The following BECN2 variants were observed in gnomAD, a reference collection of about 807,000 sequenced individuals.
BECN2 encodes the protein beclin 2.
For missense variants in BECN2, 428 were observed against 507.9 expected (o/e 0.84, Z 1.51); for synonymous variants, 173 against 220.1 (o/e 0.79, Z 1.90).
Position 241,958,640 on chromosome 1 carries a change from G to A in BECN2, c.874G>A (p.Ala292Thr). The part of the protein sequence containing the change: ...WNEINTAWGQ[A>T]ALLLLTLANT... Reference sequence around the variant, plus strand: ...TGAGATTAACACTGCCTGGGGACAGGCGGCCTTGCTGCTCCTTACCCTGGC... The same window carrying A: ...TGAGATTAACACTGCCTGGGGACAGACGGCCTTGCTGCTCCTTACCCTGGC... The change falls in exon 1 of 1, where the codon GCG (alanine) becomes ACG (threonine). Residue 292 changes from alanine to threonine, a missense_variant. By Grantham distance (58) the Ala-to-Thr change is moderately conservative. Coordinates refer to ENST00000419583, the MANE Select transcript of BECN2 (RefSeq NM_001290693.1). The A allele has an allele frequency of 8.1e-7, 1 of 1,231,818 alleles. No individual in the cohort carries two copies. The highest frequency in any genetic ancestry group is 3.1e-4 in the Middle Eastern group (1 of 3,208). 76.3% of individuals were successfully genotyped at this position (1,231,818 alleles called of 1,614,324 possible).
At position 241,957,884 on chromosome 1, in the gene BECN2, G is replaced by A. The variant is rs1664452507; in HGVS notation, c.118G>A (p.Gly40Arg). Residue 40 changes from glycine (G) to arginine (R), a missense_variant, in exon 1 of 1, where the codon GGA becomes AGA. Gly to Arg is a moderately radical substitution (Grantham distance 125). Coordinates refer to ENST00000419583, the MANE Select transcript of BECN2 (RefSeq NM_001290693.1). Reference sequence around the variant, plus strand: ...GCCCACCTCTGGGCAGGCTGAGCCCGGAGACACCCGGGAGCCCGGCGTCAC... The same window carrying A: ...GCCCACCTCTGGGCAGGCTGAGCCCAGAGACACCCGGGAGCCCGGCGTCAC... Reference protein sequence around the residue: ...PAPTSGQAEPGDTREPGVTTR... With the variant: ...PAPTSGQAEPRDTREPGVTTR... 3 of 1,231,810 alleles carry A rather than the reference G, an allele frequency of 2.4e-6. No individual in the cohort carries two copies. Among genetic ancestry groups the A allele is most frequent in the East Asian group, 6.3e-5 (2 of 31,708 alleles). 76.3% of individuals were successfully genotyped at this position (1,231,810 alleles called of 1,614,324 possible). A position where few individuals can be genotyped will look rare whatever the true frequency, so the allele number is the denominator to read the frequency against.
In BECN2 at chr1:241,958,480, T is replaced by C; in HGVS notation, c.714T>C (p.Tyr238=). 11 of 1,231,800 alleles carry C rather than the reference T, an allele frequency of 8.9e-6. No homozygotes were observed. Among genetic ancestry groups the C allele is most frequent in the Non-Finnish European group, 1.1e-5 (11 of 988,028 alleles). 76.3% of individuals were successfully genotyped at this position (1,231,800 alleles called of 1,614,324 possible). The change falls in exon 1 of 1, where the codon TAT becomes TAC. Residue 238 remains tyrosine, a synonymous_variant. Coordinates refer to ENST00000419583, the MANE Select transcript of BECN2 (RefSeq NM_001290693.1). ...QLGNVENQLQ[Y]ARVQRDRLKE... ...GGAACGTGGAGAACCAGCTGCAGTA[T>C]GCCAGGGTCCAGAGGGACCGGCTGA... is the stretch of plus-strand genomic sequence containing the variant.
chr1:241,958,945 A>G lies in BECN2; in HGVS notation c.1179A>G (p.Glu393=). Residue 393 remains glutamate (E), a synonymous_variant, in exon 1 of 1, where the codon GAA becomes GAG. Coordinates refer to ENST00000419583, the MANE Select transcript of BECN2 (RefSeq NM_001290693.1). The part of the protein sequence containing the change: ...GLMEDVGGRG[E]CYSIRTHLNT... ...TGGAGGACGTTGGCGGCCGAGGGGA[A>G]TGCTATTCCATCAGAACCCATCTGA... 8.1e-7 allele frequency: 1 copy of G among 1,231,850 alleles called. No individual in the cohort carries two copies. The highest frequency in any genetic ancestry group is 3.2e-5 in the East Asian group (1 of 31,708). 76.3% of individuals were successfully genotyped at this position (1,231,850 alleles called of 1,614,324 possible).
Position 241,958,802 on chromosome 1 carries a change from A to G in BECN2, c.1036A>G (p.Lys346Glu). 8.1e-7 allele frequency: 1 copy of G among 1,231,858 alleles called. No homozygotes were observed. Among genetic ancestry groups the G allele is most frequent in the Non-Finnish European group, 1.0e-6 (1 of 988,090 alleles). The allele number at this position is 1,231,858 out of a possible 1,614,324, so 76.3% of individuals were successfully genotyped here. A position where few individuals can be genotyped will look rare whatever the true frequency, so the allele number is the denominator to read the frequency against. The change falls in exon 1 of 1, where the codon AAG becomes GAG. Residue 346 changes from lysine (K) to glutamate (E), a missense_variant. Physicochemically the swap from Lys to Glu is moderately conservative, Grantham distance 56 (BLOSUM62 1). Coordinates refer to ENST00000419583, the MANE Select transcript of BECN2 (RefSeq NM_001290693.1). ...YGGQDVFLNN[K>E]YDRAMVAFLD... Reference sequence around the variant, plus strand: ...GGGGCAGGATGTTTTCCTCAATAACAAGTATGACCGCGCGATGGTGGCCTT... The same window carrying G: ...GGGGCAGGATGTTTTCCTCAATAACGAGTATGACCGCGCGATGGTGGCCTT...
chr1:241,957,943 G>A lies in BECN2; in HGVS notation c.177G>A (p.Gln59=). 8.1e-7 allele frequency: 1 copy of A among 1,231,904 alleles called. No homozygotes were observed. Among genetic ancestry groups the A allele is most frequent in the Non-Finnish European group, 1.0e-6 (1 of 988,086 alleles). The allele number at this position is 1,231,904 out of a possible 1,614,324, so 76.3% of individuals were successfully genotyped here. ...AGGTGACAGACGCTGAGGAGCAACAGGACGGTGCCTCTAGCAGATCCCCTC... is the reference window on the plus strand; with the variant it reads ...AGGTGACAGACGCTGAGGAGCAACAAGACGGTGCCTCTAGCAGATCCCCTC... ...TREVTDAEEQ[Q]DGASSRSPPG... is the part of the protein sequence containing the mutation. The change falls in exon 1 of 1, where the codon CAG becomes CAA. Residue 59 remains glutamine (Q), a synonymous_variant. Transcript: ENST00000419583.
chr1:241,958,215 G>A lies in BECN2; in HGVS notation c.449G>A (p.Gly150Glu). The A allele has an allele frequency of 8.1e-7, 1 of 1,232,624 alleles. No individual in the cohort carries two copies. Among genetic ancestry groups the A allele is most frequent in the Non-Finnish European group, 1.0e-6 (1 of 988,538 alleles). The allele number at this position is 1,232,624 out of a possible 1,614,324, so 76.4% of individuals were successfully genotyped here. A position where few individuals can be genotyped will look rare whatever the true frequency, so the allele number is the denominator to read the frequency against. Residue 150 changes from glycine to glutamate, a missense_variant, in exon 1 of 1, where the codon GGG becomes GAG. Gly to Glu is a moderately conservative substitution (Grantham distance 98). Transcript: ENST00000419583. ...AACTACCAACGCTGCCTGGAGACCG[G>A]GGAGCTGGCGACCAGCGAGGACGAG... ...SQNYQRCLET[G>E]ELATSEDEAA...
At position 241,957,820 on chromosome 1, in the gene BECN2, C is replaced by T. The variant is rs927944662; in HGVS notation, c.54C>T (p.Ser18=). The T allele has an allele frequency of 1.3e-5, 16 of 1,231,786 alleles. No homozygotes were observed. The highest frequency in any genetic ancestry group is 1.6e-5 in the Non-Finnish European group (16 of 988,010). 76.3% of individuals were successfully genotyped at this position (1,231,786 alleles called of 1,614,324 possible). A position where few individuals can be genotyped will look rare whatever the true frequency, so the allele number is the denominator to read the frequency against. ...CQRCHQALKL[S]GSSESRSLPA... ...GCTGCCACCAGGCCCTGAAGCTGAGCGGCTCCTCGGAGTCTAGGAGCCTCC... is the reference window on the plus strand; with the variant it reads ...GCTGCCACCAGGCCCTGAAGCTGAGTGGCTCCTCGGAGTCTAGGAGCCTCC... Residue 18 remains serine (S), a synonymous_variant, in exon 1 of 1, where the codon AGC becomes AGT. Transcript: ENST00000419583.
In BECN2 at chr1:241,958,729, G is replaced by C; in HGVS notation, c.963G>C (p.Leu321=). The change falls in exon 1 of 1, where the codon CTG becomes CTC. Residue 321 remains leucine (L), a synonymous_variant. Coordinates refer to ENST00000419583, the MANE Select transcript of BECN2 (RefSeq NM_001290693.1). ...TCCCCTGCGGAAACCATTCGTATCT[G>C]AAGTCTTTAACAGATGACCGCACTG... is the stretch of plus-strand genomic sequence containing the variant. The part of the protein sequence containing the change: ...RLIPCGNHSY[L]KSLTDDRTEL... The C allele has an allele frequency of 8.1e-7, 1 of 1,231,768 alleles. No individual in the cohort carries two copies. Among genetic ancestry groups the C allele is most frequent in the Non-Finnish European group, 1.0e-6 (1 of 988,002 alleles). 76.3% of individuals were successfully genotyped at this position (1,231,768 alleles called of 1,614,324 possible). A position where few individuals can be genotyped will look rare whatever the true frequency, so the allele number is the denominator to read the frequency against.
rs1416669684 is a variant in BECN2 at position 241,958,913 on chromosome 1, G to T, written c.1147G>T (p.Gly383Cys). Residue 383 changes from glycine to cysteine, a missense_variant, in exon 1 of 1, where the codon GGC (glycine) becomes TGC (cysteine). Physicochemically the swap from Gly to Cys is radical, Grantham distance 159. Transcript: ENST00000419583. ...GCCCTACGGGATCCAGGTGGAGACA[G>T]GCCTGATGGAGGACGTTGGCGGCCG... is the stretch of plus-strand genomic sequence containing the variant. ...SLPYGIQVET[G>C]LMEDVGGRGE... 1.6e-6 allele frequency: 2 copies of T among 1,231,930 alleles called. No homozygotes were observed. Among genetic ancestry groups the T allele is most frequent in the Non-Finnish European group, 2.0e-6 (2 of 988,148 alleles). The allele number at this position is 1,231,930 out of a possible 1,614,324, so 76.3% of individuals were successfully genotyped here. A position where few individuals can be genotyped will look rare whatever the true frequency, so the allele number is the denominator to read the frequency against.
Position 241,958,958 on chromosome 1 carries a change from A to G in BECN2, c.1192A>G (p.Arg398Gly). The change falls in exon 1 of 1, where the codon AGA (arginine) becomes GGA (glycine). Residue 398 changes from arginine to glycine, a missense_variant. Arg to Gly is a moderately radical substitution (Grantham distance 125). Transcript: ENST00000419583. ...CGGCCGAGGGGAATGCTATTCCATC[A>G]GAACCCATCTGAACACGCAGGAGCT... ...VGGRGECYSI[R>G]THLNTQELWT... 1 of 1,231,846 alleles carries G rather than the reference A, an allele frequency of 8.1e-7. No homozygotes were observed. Among genetic ancestry groups the G allele is most frequent in the Non-Finnish European group, 1.0e-6 (1 of 988,048 alleles). The allele number at this position is 1,231,846 out of a possible 1,614,324, so 76.3% of individuals were successfully genotyped here.
rs1664472405 is a variant in BECN2 at position 241,958,810 on chromosome 1, C to A, written c.1044C>A (p.Asp348Glu). ...GQDVFLNNKYDRAMVAFLDCM... is the reference protein window; with the variant it reads ...GQDVFLNNKYERAMVAFLDCM... ...ATGTTTTCCTCAATAACAAGTATGACCGCGCGATGGTGGCCTTCCTGGACT... is the reference window on the plus strand; with the variant it reads ...ATGTTTTCCTCAATAACAAGTATGAACGCGCGATGGTGGCCTTCCTGGACT... The change falls in exon 1 of 1, where the codon GAC becomes GAA. Residue 348 changes from aspartate (D) to glutamate (E), a missense_variant. Physicochemically the swap from Asp to Glu is conservative, Grantham distance 45 (BLOSUM62 2). Coordinates refer to ENST00000419583, the MANE Select transcript of BECN2 (RefSeq NM_001290693.1). 1 of 1,231,724 alleles carries A rather than the reference C, an allele frequency of 8.1e-7. No homozygotes were observed. The highest frequency in any genetic ancestry group is 1.0e-6 in the Non-Finnish European group (1 of 988,132). 76.3% of individuals were successfully genotyped at this position (1,231,724 alleles called of 1,614,324 possible).
chr1:241,958,839 TGCAGCAGTTCAA>T lies in BECN2; in HGVS notation c.1075_1086del (p.Gln359_Lys362del). 8.1e-7 allele frequency: 1 copy of T among 1,231,854 alleles called. No individual in the cohort carries two copies. Among genetic ancestry groups the T allele is most frequent in the Non-Finnish European group, 1.0e-6 (1 of 988,078 alleles). 76.3% of individuals were successfully genotyped at this position (1,231,854 alleles called of 1,614,324 possible). A position where few individuals can be genotyped will look rare whatever the true frequency, so the allele number is the denominator to read the frequency against. The stretch of plus-strand genomic sequence containing the variant: ...GCGATGGTGGCCTTCCTGGACTGCA[TGCAGCAGTTCAA>T]GGAAGAGGCTGAGAAGGGTGAGCTG... On this transcript the variant is annotated inframe_deletion, in exon 1 of 1. Transcript: ENST00000419583.
rs1359111478 is a variant in BECN2 at position 241,958,933 on chromosome 1, C to T, written c.1167C>T (p.Gly389=). ...AGACAGGCCTGATGGAGGACGTTGG[C>T]GGCCGAGGGGAATGCTATTCCATCA... is the stretch of plus-strand genomic sequence containing the variant. ...QVETGLMEDV[G]GRGECYSIRT... The change falls in exon 1 of 1, where the codon GGC becomes GGT. Residue 389 remains glycine (G), a synonymous_variant. Coordinates refer to ENST00000419583, the MANE Select transcript of BECN2 (RefSeq NM_001290693.1). 2 of 1,231,658 alleles carry T rather than the reference C, an allele frequency of 1.6e-6. No homozygotes were observed. The highest frequency in any genetic ancestry group is 3.1e-5 in the African/African-American group (2 of 64,394). 76.3% of individuals were successfully genotyped at this position (1,231,658 alleles called of 1,614,324 possible). A position where few individuals can be genotyped will look rare whatever the true frequency, so the allele number is the denominator to read the frequency against.
In BECN2 at chr1:241,958,537, G is replaced by A. The variant is rs1664466433; in HGVS notation, c.771G>A (p.Glu257=). ...TCAACTGTTTCACCGCCACGTTTGAGATCTGGGTGGAGGGCCCCTTGGGCG... is the reference window on the plus strand; with the variant it reads ...TCAACTGTTTCACCGCCACGTTTGAAATCTGGGTGGAGGGCCCCTTGGGCG... The part of the protein sequence containing the change: ...KEINCFTATF[E]IWVEGPLGVI... Residue 257 remains glutamate, a synonymous_variant, in exon 1 of 1, where the codon GAG becomes GAA. Coordinates refer to ENST00000419583, the MANE Select transcript of BECN2 (RefSeq NM_001290693.1). 8.1e-7 allele frequency: 1 copy of A among 1,231,704 alleles called. No homozygotes were observed. The highest frequency in any genetic ancestry group is 4.1e-5 in the South Asian group (1 of 24,326). 76.3% of individuals were successfully genotyped at this position (1,231,704 alleles called of 1,614,324 possible). A position where few individuals can be genotyped will look rare whatever the true frequency, so the allele number is the denominator to read the frequency against.
chr1:241,958,774 T>TG, the BECN2 span: 3 of 1,231,812 alleles, frequency 2.4e-6, no homozygotes, highest in Non-Finnish European at 3.0e-6. Context: ...TGTTCTGTTA[T>TG]GGGGGGCAGG....
rs1006562316 is a variant in BECN2, at chr1:241,958,555, C to T, written c.789C>T (p.Pro263=). 8.1e-7 allele frequency: 1 copy of T among 1,231,664 alleles called. No individual in the cohort carries two copies. The highest frequency in any genetic ancestry group is 1.0e-6 in the Non-Finnish European group (1 of 988,026). 76.3% of individuals were successfully genotyped at this position (1,231,664 alleles called of 1,614,324 possible). A position where few individuals can be genotyped will look rare whatever the true frequency, so the allele number is the denominator to read the frequency against. ...TATFEIWVEG[P]LGVINNFRLG... is the part of the protein sequence containing the mutation. The stretch of plus-strand genomic sequence containing the variant: ...CGTTTGAGATCTGGGTGGAGGGCCC[C>T]TTGGGCGTCATCAATAACTTCAGGT... The change falls in exon 1 of 1, where the codon CCC becomes CCT. Residue 263 remains proline, a synonymous_variant. Transcript: ENST00000419583.
Position 241,958,942 on chromosome 1 carries a change from G to A in BECN2, c.1176G>A (p.Gly392=). The change falls in exon 1 of 1, where the codon GGG becomes GGA. Residue 392 remains glycine (G), a synonymous_variant. Coordinates refer to ENST00000419583, the MANE Select transcript of BECN2 (RefSeq NM_001290693.1). ...TGLMEDVGGR[G]ECYSIRTHLN... is the part of the protein sequence containing the mutation. ...TGATGGAGGACGTTGGCGGCCGAGG[G>A]GAATGCTATTCCATCAGAACCCATC... 1 of 1,231,798 alleles carries A rather than the reference G, an allele frequency of 8.1e-7. No individual in the cohort carries two copies. Among genetic ancestry groups the A allele is most frequent in the South Asian group, 4.1e-5 (1 of 24,312 alleles). 76.3% of individuals were successfully genotyped at this position (1,231,798 alleles called of 1,614,324 possible).
Position 241,958,962 on chromosome 1 carries a change from C to T in BECN2, c.1196C>T (p.Thr399Ile), listed in dbSNP as rs1050156390. The stretch of plus-strand genomic sequence containing the variant: ...CGAGGGGAATGCTATTCCATCAGAA[C>T]CCATCTGAACACGCAGGAGCTGTGG... ...GGRGECYSIR[T>I]HLNTQELWTK... Residue 399 changes from threonine (T) to isoleucine (I), a missense_variant, in exon 1 of 1, where the codon ACC (threonine) becomes ATC (isoleucine). Coordinates refer to ENST00000419583, the MANE Select transcript of BECN2 (RefSeq NM_001290693.1). 15 of 1,231,640 alleles carry T rather than the reference C, an allele frequency of 1.2e-5. No individual in the cohort carries two copies. The highest frequency in any genetic ancestry group is 1.4e-5 in the Non-Finnish European group (14 of 988,034). 76.3% of individuals were successfully genotyped at this position (1,231,640 alleles called of 1,614,324 possible). A position where few individuals can be genotyped will look rare whatever the true frequency, so the allele number is the denominator to read the frequency against.
chr1:241,957,973 C>T lies in BECN2; in HGVS notation c.207C>T (p.Gly69=). ...GTGCCTCTAGCAGATCCCCTCCAGGCGATGGCAGTGTGTCCAAGGGCCATG... is the reference window on the plus strand; with the variant it reads ...GTGCCTCTAGCAGATCCCCTCCAGGTGATGGCAGTGTGTCCAAGGGCCATG... The part of the protein sequence containing the change: ...QDGASSRSPP[G]DGSVSKGHAN... The change falls in exon 1 of 1, where the codon GGC becomes GGT. Residue 69 remains glycine, a synonymous_variant. Coordinates refer to ENST00000419583, the MANE Select transcript of BECN2 (RefSeq NM_001290693.1). 2 of 1,231,834 alleles carry T rather than the reference C, an allele frequency of 1.6e-6. No homozygotes were observed. Among genetic ancestry groups the T allele is most frequent in the South Asian group, 4.1e-5 (1 of 24,324 alleles). 76.3% of individuals were successfully genotyped at this position (1,231,834 alleles called of 1,614,324 possible). A position where few individuals can be genotyped will look rare whatever the true frequency, so the allele number is the denominator to read the frequency against.
Sources: allele counts gnomAD v4.1 joint callset, GRCh38; gene constraint gnomAD v4.1.1; transcripts MANE v1.5; gene names NCBI Gene and HGNC (gene_info 2026-07-23, HGNC 2026-07-21).